SLC22A7: variants seen among roughly 807,000 people sequenced by gnomAD.
SLC22A7 encodes the protein solute carrier family 22 member 7, also known as hOAT2.
A neutral mutation model predicts 62.2 loss-of-function variants in SLC22A7; 48 were observed. The observed-to-expected ratio is 0.77, with a 90% confidence interval of 0.61 to 0.98. The LOEUF (loss-of-function observed/expected upper bound fraction) is 0.98. SLC22A7 is among the 50% of genes least tolerant of loss of function. SLC22A7 has a pLI of 0.00. For missense variants in SLC22A7, 581 were observed against 703.8 expected, an observed-to-expected ratio of 0.83 and a Z score of 1.97; for synonymous variants, 276 against 314.8, an observed-to-expected ratio of 0.88 and a Z score of 1.30.
In SLC22A7 at chr6:43,299,208, G is replaced by A; in HGVS notation, c.399+111G>A. The A allele has an allele frequency of 6.2e-7, 1 of 1,613,948 alleles. No individual in the cohort carries two copies. The highest frequency in any genetic ancestry group is 8.5e-7 in the Non-Finnish European group (1 of 1,179,914). ...AAGAAGCTGAGGCTGCAGGACTGGG[G>A]AGGGACAAAGTTTCCTATTCCCCAA... On this transcript the variant is annotated intron_variant, in intron 2 of 10. Transcript: ENST00000372585. The surrounding 1 kb of genome is among the most constrained non-coding windows in gnomAD (Gnocchi z 4.4).
chr6:43,298,585 C>T lies in SLC22A7; in HGVS notation c.227C>T (p.Thr76Met), dbSNP rs183901439. Residue 76 changes from threonine (T) to methionine (M), a missense_variant, in exon 1 of 11, where the codon ACG becomes ATG. By Grantham distance (81) the Thr-to-Met change is moderately conservative. Transcript: ENST00000372585. ...CATCTTCCCCGGGAGCCTGATGGCA[C>T]GCTCAGCTCCTGCCTCCGCTTTGCC... is the stretch of plus-strand genomic sequence containing the variant. ...EAHLPREPDG[T>M]LSSCLRFAYP... 121 of 1,612,968 alleles carry T rather than the reference C, an allele frequency of 7.5e-5. 1 individual carries two copies. The Admixed American group carries it at 8.5e-4, about 11-fold the overall frequency.
At chr6:43,303,801 G>A (rs1778843355) in intron 9 of SLC22A7, among the ~76,000 whole-genome samples, 1 of 152,184 alleles carries the variant, frequency 6.6e-6, no homozygotes, top group Non-Finnish European at 1.5e-5. Flanking sequence ...TTCTCCTTTA[G>A]TGATACCTAA....
At chr6:43,303,669 G>A (rs1422166064) in intron 9 of SLC22A7, among the ~76,000 whole-genome samples, 1 of 152,038 alleles carries the variant, frequency 6.6e-6, no homozygotes, top group African/African-American at 2.4e-5. Flanking sequence ...GAAAATTCTA[G>A]GCATCTGGTC....
In SLC22A7 at chr6:43,304,698, G is replaced by A. The variant is rs767023435; in HGVS notation, c.1620G>A (p.Glu540=). ...KSAPTSLQEE[E]MPMKQVQN Reference sequence around the variant, plus strand: ...CCCCAACCAGTCTTCAGGAGGAAGAGATGCCCATGAAGCAGGTCCAGAACT... The same window carrying A: ...CCCCAACCAGTCTTCAGGAGGAAGAAATGCCCATGAAGCAGGTCCAGAACT... Residue 540 remains glutamate, a synonymous_variant, in exon 11 of 11, where the codon GAG becomes GAA. Transcript: ENST00000372585. The A allele has an allele frequency of 6.3e-7, 1 of 1,597,254 alleles. No homozygotes were observed. Among genetic ancestry groups the A allele is most frequent in the African/African-American group, 1.3e-5 (1 of 74,302 alleles).
intron 5 of SLC22A7, among the ~76,000 whole-genome samples, chr6:43,300,885 G>T (rs1018019705): frequency 6.6e-6 from 1 of 152,114 alleles, no homozygotes; most frequent in Non-Finnish European, 1.5e-5. Context: ...CCACCCTCCC[G>T]CCTTGACCTC....
chr6:43,299,920 G>A lies in SLC22A7; in HGVS notation c.681G>A (p.Glu227=), dbSNP rs1778676641. The part of the protein sequence containing the change: ...MPLELEWLDV[E]HRTVAGVLSS... ...CAGAGCTGGAGTGGCTGGATGTGGA[G>A]CACCGCACCGTGGCTGGAGTCCTGA... Residue 227 remains glutamate, a synonymous_variant, in exon 5 of 11, where the codon GAG becomes GAA. Transcript: ENST00000372585. This position sits in a 1 kb window ranked among gnomAD's most constrained non-coding sequence, Gnocchi z 4.4. 6.2e-7 allele frequency: 1 copy of A among 1,614,058 alleles called. No homozygotes were observed. Among genetic ancestry groups the A allele is most frequent in the Non-Finnish European group, 8.5e-7 (1 of 1,180,024 alleles).
intron 5 of SLC22A7, among the ~76,000 whole-genome samples, chr6:43,300,463 T>C (rs1036338897): frequency 4.6e-5 from 7 of 152,104 alleles, no homozygotes; most frequent in South Asian, 2.1e-4. Context: ...CTTCTGGATA[T>C]GTCTACATGT....
Position 43,302,834 on chromosome 6 carries a change from T to C in SLC22A7, c.1385+71T>C, listed in dbSNP as rs1778803305. The C allele has an allele frequency of 1.0e-6, 1 of 975,254 alleles. No individual in the cohort carries two copies. Among genetic ancestry groups the C allele is most frequent in the African/African-American group, 1.6e-5 (1 of 61,618 alleles). The allele number at this position is 975,254 out of a possible 1,614,324, so 60.4% of individuals were successfully genotyped here. A position where few individuals can be genotyped will look rare whatever the true frequency, so the allele number is the denominator to read the frequency against. ...ACGTGTCTTAACCAACACTTCTACA[T>C]ACACGCACCACAACCTGGTCTCTCA... is the stretch of plus-strand genomic sequence containing the variant. On this transcript the variant is annotated intron_variant, in intron 9 of 10. Coordinates refer to ENST00000372585, the MANE Select transcript of SLC22A7 (RefSeq NM_153320.2). The surrounding 1 kb of genome is among the most constrained non-coding windows in gnomAD (Gnocchi z 5.0).
At chr6:43,304,322 G>A (rs748578460) in intron 10 of SLC22A7, 78 bp downstream of exon 10, 1 of 1,251,812 alleles carries the variant, frequency 8.0e-7, no homozygotes, top group Admixed American at 2.6e-5. Flanking sequence ...TGACACCTTA[G>A]GATTCAGACA....
In SLC22A7 at chr6:43,302,261, G is replaced by A. The variant is rs765993589; in HGVS notation, c.1123G>A (p.Val375Met). 2.6e-5 allele frequency: 42 copies of A among 1,611,638 alleles called. No individual in the cohort carries two copies. Among genetic ancestry groups the A allele is most frequent in the South Asian group, 6.6e-5 (6 of 90,788 alleles). Reference protein sequence around the residue: ...SLDVSGLGLNVYQTQLLFGAV... With the variant: ...SLDVSGLGLNMYQTQLLFGAV... ...GGATGTGTCGGGGCTGGGGCTGAAC[G>A]TGTACCAGACACAGCTGTTGTTCGG... The change falls in exon 8 of 11, where the codon GTG becomes ATG. Residue 375 changes from valine (V) to methionine (M), a missense_variant. Transcript: ENST00000372585. This position sits in a 1 kb window ranked among gnomAD's most constrained non-coding sequence, Gnocchi z 5.0.
In SLC22A7 at chr6:43,299,335, C is replaced by T. The variant is rs773428970; in HGVS notation, c.400-55C>T. 1 of 1,610,440 alleles carries T rather than the reference C, an allele frequency of 6.2e-7. No individual in the cohort carries two copies. The highest frequency in any genetic ancestry group is 1.1e-5 in the South Asian group (1 of 90,708). The stretch of plus-strand genomic sequence containing the variant: ...AGGGTCTGGAGAGGAGGAGCTGGTG[C>T]CTGCTGGAGAGGGGCTGATGTTCAT... On this transcript the variant is annotated intron_variant, in intron 2 of 10. Transcript: ENST00000372585. This position sits in a 1 kb window ranked among gnomAD's most constrained non-coding sequence, Gnocchi z 4.4.
Position 43,299,474 on chromosome 6 carries a change from T to G in SLC22A7, c.484T>G (p.Phe162Val). The change falls in exon 3 of 11, where the codon TTT becomes GTT. Residue 162 changes from phenylalanine (F) to valine (V), a missense_variant. Transcript: ENST00000372585. The surrounding 1 kb of genome is among the most constrained non-coding windows in gnomAD (Gnocchi z 4.4). ...CGGTGTGCTGGTGGGGGCTGTGGCCTTTGGATATCTGTCCGACAGGTGGGG... is the reference window on the plus strand; with the variant it reads ...CGGTGTGCTGGTGGGGGCTGTGGCCGTTGGATATCTGTCCGACAGGTGGGG... ...FAGVLVGAVA[F>V]GYLSDRFGRR... The G allele has an allele frequency of 6.2e-7, 1 of 1,612,682 alleles. No individual in the cohort carries two copies. Among genetic ancestry groups the G allele is most frequent in the Non-Finnish European group, 8.5e-7 (1 of 1,179,202 alleles).
upstream of SLC22A7, chr6:43,298,182 A>G: frequency 1.7e-6 from 1 of 590,796 alleles, no homozygotes; most frequent in Admixed American, 3.2e-5. Context: ...GTCCCTGGAG[A>G]CCTGATGGCT....
chr6:43,299,434 C>T lies in SLC22A7; in HGVS notation c.444C>T (p.Ser148=), dbSNP rs1443009615. The part of the protein sequence containing the change: ...CEQKGLNRAA[S]TFFFAGVLVG... ...AGAAAGGTCTGAACAGAGCTGCGTC[C>T]ACTTTCTTCTTCGCCGGTGTGCTGG... The change falls in exon 3 of 11, where the codon TCC becomes TCT. Residue 148 remains serine, a synonymous_variant. Coordinates refer to ENST00000372585, the MANE Select transcript of SLC22A7 (RefSeq NM_153320.2). This position sits in a 1 kb window ranked among gnomAD's most constrained non-coding sequence, Gnocchi z 4.4. 2 of 1,614,004 alleles carry T rather than the reference C, an allele frequency of 1.2e-6. No individual in the cohort carries two copies. Among genetic ancestry groups the T allele is most frequent in the African/African-American group, 2.7e-5 (2 of 74,886 alleles).
chr6:43,301,099 G>A lies in SLC22A7; in HGVS notation c.828-36G>A, dbSNP rs376137171. The A allele has an allele frequency of 1.9e-6, 3 of 1,613,564 alleles. No individual in the cohort carries two copies. In the African/African-American group the frequency reaches 4.0e-5, roughly 22 times the overall value. On this transcript the variant is annotated intron_variant, in intron 5 of 10. Transcript: ENST00000372585. ...CCAGGAACATGTGGCTTAGGGTCAT[G>A]ACTTTCTGGCTGATGGACCTTCTGC...
At position 43,305,463 on chromosome 6, in the gene SLC22A7, T is replaced by C. The variant is rs1582559451; in HGVS notation, c.*738T>C. ...CACTGGTCTCATGCCCAAAGAAGAG[T>C]TGAAGGCATGGGAGCCAACATTTTA... On this transcript the variant is annotated 3_prime_UTR_variant, in exon 11 of 11. Transcript: ENST00000372585. 5.9e-6 allele frequency: 2 copies of C among 337,598 alleles called. No homozygotes were observed. Among genetic ancestry groups the C allele is most frequent in the East Asian group, 1.7e-4 (2 of 11,502 alleles). 20.9% of individuals were successfully genotyped at this position (337,598 alleles called of 1,614,324 possible).
chr6:43,299,980 G>A lies in SLC22A7; in HGVS notation c.741G>A (p.Leu247=). The change falls in exon 5 of 11, where the codon CTG becomes CTA. Residue 247 remains leucine (L), a synonymous_variant. Coordinates refer to ENST00000372585, the MANE Select transcript of SLC22A7 (RefSeq NM_153320.2). The surrounding 1 kb of genome is among the most constrained non-coding windows in gnomAD (Gnocchi z 4.4). ...STFWTGGVML[L]ALVGYLIRDW... is the part of the protein sequence containing the mutation. ...TCTGGACAGGGGGCGTGATGCTGCT[G>A]GCACTGGTTGGGTACCTGATACGGG... 1 of 1,614,180 alleles carries A rather than the reference G, an allele frequency of 6.2e-7. No homozygotes were observed. The highest frequency in any genetic ancestry group is 8.5e-7 in the Non-Finnish European group (1 of 1,180,026).
upstream of SLC22A7, among the ~76,000 whole-genome samples, chr6:43,296,734 G>A (rs1778571877): frequency 7.9e-5 from 12 of 152,174 alleles, no homozygotes; most frequent in Admixed American, 7.9e-4. Flanking sequence ...TTGGAGAGGG[G>A]TCAGGGGTGG....
chr6:43,298,889 A>T lies in SLC22A7; in HGVS notation c.393+138A>T, dbSNP rs367819534. 1,558 of 1,312,710 alleles carry T rather than the reference A, an allele frequency of 1.2e-3. 12 individuals are homozygous for T. Among genetic ancestry groups the T allele is most frequent in the South Asian group, 0.012 (770 of 66,836 alleles). The allele number at this position is 1,312,710 out of a possible 1,614,324, so 81.3% of individuals were successfully genotyped here. A position where few individuals can be genotyped will look rare whatever the true frequency, so the allele number is the denominator to read the frequency against. ...ACCAATCTGTAGATGGGGGCTATGA[A>T]TATAAGGCACTTTTAGTTCATGGCT... On this transcript the variant is annotated intron_variant, in intron 1 of 10. Transcript: ENST00000372585.
Sources: gnomAD v4.1 joint callset for allele counts (sites outside exome capture counted in the v4.1 genomes callset) on GRCh38, gnomAD v4.1.1 for gene constraint, Gnocchi (gnomAD v3.1) non-coding constraint, MANE v1.5 for transcripts, NCBI Gene and HGNC (gene_info 2026-07-23, HGNC 2026-07-21) for gene names.